The following EYS variants were observed in gnomAD, a reference collection of about 807,000 sequenced individuals.
EYS encodes EGF-like photoreceptor maintenance factor, also known as protein eyes shut homolog.
In EYS, 250 loss-of-function variants were observed where a neutral mutation model predicts 282.1. The observed-to-expected ratio is 0.89, with a 90% confidence interval of 0.80 to 0.98. The LOEUF is 0.98. Ranked by LOEUF, EYS falls within the 50% of genes least tolerant of loss-of-function variation. EYS has a pLI of 0.00. For synonymous variants in EYS, 1,355 were observed against 1,282.9 expected (o/e 1.06, Z -1.20); for missense variants, 4,016 against 3,709.0 (o/e 1.08, Z -2.15).
At chr6:65,303,333 GAGA>G in intron 11 of EYS, 5 of 795,986 alleles carry the variant, frequency 6.3e-6, no homozygotes, top group Non-Finnish European at 1.1e-5. Context: ...ACCAAACAAG[GAGA>G]AGAACCCTTG....
At chr6:65,058,243 C>T (rs1350221300) in intron 12 of EYS, among the ~76,000 whole-genome samples, 3 of 151,952 alleles carry the variant, frequency 2.0e-5, no homozygotes, top group African/African-American at 4.8e-5. Context: ...CTCTGCCTCC[C>T]GGGTTCAAGA....
At position 65,071,289 on chromosome 6, in the gene EYS, A is replaced by G. The variant is rs1279739271; in HGVS notation, c.2024-13562T>C. On this transcript the variant is annotated intron_variant, in intron 12 of 42. Transcript: ENST00000503581. ...TAGAGAGCAAGAAAGTTGTTAGTAT[A>G]TAAACTACCCATTAGGGTTTTTAAC... Among the ~76,000 whole-genome samples, 8 of 152,068 alleles carry G rather than the reference A, an allele frequency of 5.3e-5. No homozygotes were observed. In the South Asian group the frequency reaches 1.4e-3, roughly 28 times the overall value.
intron 5 of EYS, among the ~76,000 whole-genome samples, chr6:65,484,446 G>A (rs1224830196): frequency 1.3e-5 from 2 of 152,236 alleles, no homozygotes; most frequent in East Asian, 3.9e-4. Context: ...TTTAACATGA[G>A]GATAATATGG....
At chr6:64,305,935 T>A (rs9351223) in intron 30 of EYS, among the ~76,000 whole-genome samples, 1 of 151,936 alleles carries the variant, frequency 6.6e-6, no homozygotes, top group African/African-American at 2.4e-5. Context: ...TAACAGAGTA[T>A]AAAGACAACT....
At chr6:64,458,994 T>C (rs964186106) in intron 26 of EYS, among the ~76,000 whole-genome samples, 3 of 152,210 alleles carry the variant, frequency 2.0e-5, no homozygotes, top group Non-Finnish European at 4.4e-5. Context: ...TGGTTCCTTA[T>C]ACGAATTCCA....
Position 64,737,377 on chromosome 6 carries a change from C to T in EYS, c.3443+76001G>A, listed in dbSNP as rs531299419. On this transcript the variant is annotated intron_variant, in intron 22 of 42. Coordinates refer to ENST00000503581, the MANE Select transcript of EYS (RefSeq NM_001142800.2). ...AAATATAATTTATGATGTTATATAA[C>T]GGTCCATTTTAAACCAAATGCAACC... 9.9e-5 allele frequency among the ~76,000 whole-genome samples: 15 copies of T among 152,166 alleles called. No homozygotes were observed. The South Asian group carries it at 1.7e-3, about 17-fold the overall frequency.
chr6:64,654,745 C>T (rs762813210), intron 22 of EYS, among the ~76,000 whole-genome samples: 13 of 152,232 alleles, frequency 8.5e-5, no homozygotes, highest in South Asian at 2.1e-4. Flanking sequence ...TTTTCTGTCA[C>T]GAATAAATCT....
chr6:65,634,214 GA>G (rs1293401711), intron 2 of EYS, among the ~76,000 whole-genome samples: 1 of 152,172 alleles, frequency 6.6e-6, no homozygotes, highest in Non-Finnish European at 1.5e-5. Context: ...CGGATAGAAA[GA>G]AAACAGAGTT....
rs148459585 is a variant in EYS, at chr6:63,973,399, G to T, written c.7055+10984C>A. 1.6e-3 allele frequency among the ~76,000 whole-genome samples: 248 copies of T among 152,118 alleles called. 2 individuals carry two copies. In the East Asian group the frequency reaches 0.036, roughly 22 times the overall value. On this transcript the variant is annotated intron_variant, in intron 35 of 42. Coordinates refer to ENST00000503581, the MANE Select transcript of EYS (RefSeq NM_001142800.2). ...AGGAACTTAAACAAATTTACAAGAA[G>T]AGAACTAAACTTTATTATTTGTGAT...
In EYS at chr6:64,495,295, C is replaced by G. The variant is rs1361264725; in HGVS notation, c.5645-55943G>C. Among the ~76,000 whole-genome samples the G allele has an allele frequency of 4.0e-5, 6 of 151,804 alleles. No individual in the cohort carries two copies. The East Asian group carries it at 9.8e-4, about 25-fold the overall frequency. On this transcript the variant is annotated intron_variant, in intron 26 of 42. Transcript: ENST00000503581. ...GTCAGGTCAGACAACAACTCGGCAACTAGCTTCTTGTTATATACGCTTTTT... is the reference window on the plus strand; with the variant it reads ...GTCAGGTCAGACAACAACTCGGCAAGTAGCTTCTTGTTATATACGCTTTTT...
At chr6:64,110,652 A>G (rs540447658) in intron 31 of EYS, among the ~76,000 whole-genome samples, 3 of 152,142 alleles carry the variant, frequency 2.0e-5, no homozygotes, top group African/African-American at 7.2e-5. Flanking sequence ...TTATATATGT[A>G]TATATGCCAC....
chr6:65,040,267 T>G (rs185505504), intron 13 of EYS, among the ~76,000 whole-genome samples: 15 of 151,852 alleles, frequency 9.9e-5, no homozygotes, highest in African/African-American at 2.7e-4. Flanking sequence ...TAAAGTTGAT[T>G]CCTTCTGACA....
At chr6:65,673,729 C>T (rs1017494735) in intron 1 of EYS, among the ~76,000 whole-genome samples, 18 of 151,928 alleles carry the variant, frequency 1.2e-4, no homozygotes, top group Non-Finnish European at 2.2e-4. Context: ...TAATAAAGGC[C>T]GGTCTGTTAC....
intron 2 of EYS, among the ~76,000 whole-genome samples, chr6:65,519,709 T>TATATATATATATATATA (rs1554205853): frequency 9.1e-4 from 31 of 33,942 alleles, no homozygotes; most frequent in African/African-American, 1.5e-3. Context: ...TATATATATA[T>TATATATATATATATATA]TTTTTTTTTT....
chr6:63,945,276 G>T (rs753069676), intron 35 of EYS, among the ~76,000 whole-genome samples: 9 of 152,056 alleles, frequency 5.9e-5, no homozygotes, highest in Non-Finnish European at 8.8e-5. Flanking sequence ...AGAAACCAGA[G>T]AAGCAGGAAG....
intron 22 of EYS, among the ~76,000 whole-genome samples, chr6:64,632,067 A>G (rs1344012928): frequency 8.1e-5 from 2 of 24,572 alleles, no homozygotes; most frequent in Non-Finnish European, 1.9e-4. Context: ...GAACGATGTT[A>G]TGACTTTTTA....
chr6:64,836,899 A>G (rs914159160), intron 19 of EYS, among the ~76,000 whole-genome samples: 1 of 151,724 alleles, frequency 6.6e-6, no homozygotes, highest in Non-Finnish European at 1.5e-5. Flanking sequence ...GAGACATTGG[A>G]AAATATATAA....
chr6:65,048,533 A>C (rs1039221401), intron 13 of EYS, among the ~76,000 whole-genome samples: 3 of 152,042 alleles, frequency 2.0e-5, no homozygotes, highest in African/African-American at 7.2e-5. Context: ...CAATCCTATG[A>C]AAAAACTTGA....
intron 14 of EYS, among the ~76,000 whole-genome samples, chr6:64,979,659 G>A (rs562558802): frequency 1.3e-5 from 2 of 151,430 alleles, no homozygotes; most frequent in South Asian, 4.1e-4. Flanking sequence ...GAAATGATAA[G>A]GGGAATAAGT....
Sources: allele counts gnomAD v4.1 joint callset (sites outside exome capture counted in the v4.1 genomes callset), GRCh38; gene constraint gnomAD v4.1.1; transcripts MANE v1.5; gene names NCBI Gene and HGNC (gene_info 2026-07-23, HGNC 2026-07-21).